SLC14A2: variants seen among roughly 807,000 people sequenced by gnomAD.
SLC14A2 encodes the protein solute carrier family 14 member 2.
Under a neutral mutation model 104.6 loss-of-function variants are expected in SLC14A2, and 91 were observed. The observed-to-expected ratio is 0.87, with a 90% CI of 0.73 to 1.04. SLC14A2 has a LOEUF of 1.04. SLC14A2 is among the 50% of genes least tolerant of loss of function. The pLI is 0.00. For synonymous variants in SLC14A2, 476 were observed against 466.4 expected (o/e 1.02, Z -0.27); for missense variants, 1,189 against 1,156.0 (o/e 1.03, Z -0.41).
At chr18:45,437,442 C>T (rs773577513) in intron 1 of SLC14A2, among the ~76,000 whole-genome samples, 10 of 152,182 alleles carry the variant, frequency 6.6e-5, no homozygotes, top group Non-Finnish European at 1.2e-4. Flanking sequence ...GAGCCTCTCT[C>T]CTGGAGCCAG....
At chr18:45,176,766 G>A in the SLC14A2 span, among the ~76,000 whole-genome samples, 2 of 152,114 alleles carry the variant, frequency 1.3e-5, no homozygotes, top group African/African-American at 4.8e-5. Context: ...CCTAGCCAAT[G>A]AATGTGGAGT....
chr18:45,383,306 T>A (rs1226387535), intron 1 of SLC14A2, among the ~76,000 whole-genome samples: 1 of 152,202 alleles, frequency 6.6e-6, no homozygotes, highest in African/African-American at 2.4e-5. Flanking sequence ...ACTGGCCTAC[T>A]GTATACTAAA....
At chr18:45,667,523 A>T (rs899258554) in intron 13 of SLC14A2, among the ~76,000 whole-genome samples, 4 of 152,222 alleles carry the variant, frequency 2.6e-5, no homozygotes, top group Non-Finnish European at 4.4e-5. Context: ...CCCTCTATGC[A>T]GCAAGAACAT....
At chr18:45,469,073 C>T (rs1463140323) in intron 1 of SLC14A2, among the ~76,000 whole-genome samples, 2 of 152,056 alleles carry the variant, frequency 1.3e-5, no homozygotes, top group Non-Finnish European at 2.9e-5. Context: ...CTCTGTTGCC[C>T]TTGAAGCAGG....
chr18:45,502,664 G>A (rs1382932630), intron 2 of SLC14A2, among the ~76,000 whole-genome samples: 1 of 152,172 alleles, frequency 6.6e-6, no homozygotes, highest in Non-Finnish European at 1.5e-5. Flanking sequence ...CAATCACTGG[G>A]AATAGTAAGA....
chr18:45,624,475 G>A (rs2045227961), intron 1 of SLC14A2, among the ~76,000 whole-genome samples, 156 bp from the exon 2 acceptor site: 1 of 152,124 alleles, frequency 6.6e-6, no homozygotes. Flanking sequence ...AGGTAATGAG[G>A]TAGAGAAATG....
intron 1 of SLC14A2, among the ~76,000 whole-genome samples, chr18:45,314,456 G>T (rs2085108989): frequency 6.6e-6 from 1 of 152,198 alleles, no homozygotes; most frequent in Non-Finnish European, 1.5e-5. Context: ...GCACTCTGAG[G>T]TTTGTAAAGC....
intron 2 of SLC14A2, among the ~76,000 whole-genome samples, chr18:45,600,446 CCTT>C (rs1326268204): frequency 1.3e-5 from 2 of 152,178 alleles, no homozygotes; most frequent in Non-Finnish European, 1.5e-5. Context: ...GTCAGGCATC[CCTT>C]CTTCTCACAG....
chr18:45,349,693 G>A (rs2085483750), intron 1 of SLC14A2, among the ~76,000 whole-genome samples: 1 of 152,106 alleles, frequency 6.6e-6, no homozygotes, highest in Non-Finnish European at 1.5e-5. Context: ...CTCCTCTCCT[G>A]GGCATTTCCC....
intron 1 of SLC14A2, among the ~76,000 whole-genome samples, chr18:45,364,916 C>T (rs1487717451): frequency 1.3e-5 from 2 of 152,200 alleles, no homozygotes. Flanking sequence ...TGACAGTGAT[C>T]TGAAGCCCAG....
In SLC14A2 at chr18:45,262,793, A is replaced by G. The variant is rs78573100; in HGVS notation, c.-125+49602A>G. On this transcript the variant is annotated intron_variant, in intron 1 of 20. Coordinates refer to the SLC14A2 transcript ENST00000586448. Reference sequence around the variant, plus strand: ...CACTGCTACAGACTGAACATCAAGGAGAGGATGGAACAAAGGCAACTCCAG... The same window carrying G: ...CACTGCTACAGACTGAACATCAAGGGGAGGATGGAACAAAGGCAACTCCAG... Among the ~76,000 whole-genome samples, 26 of 152,270 alleles carry G rather than the reference A, an allele frequency of 1.7e-4. No individual in the cohort carries two copies. The East Asian group carries it at 4.6e-3, about 27-fold the overall frequency.
At chr18:45,470,306 TTTCC>T (rs1186876220) in intron 1 of SLC14A2, among the ~76,000 whole-genome samples, 1 of 152,254 alleles carries the variant, frequency 6.6e-6, no homozygotes, top group Non-Finnish European at 1.5e-5. Context: ...TGCTTGCCTT[TTTCC>T]TTCCTTTTGT....
chr18:45,424,683 C>T (rs910209746), intron 1 of SLC14A2, among the ~76,000 whole-genome samples: 3 of 152,308 alleles, frequency 2.0e-5, no homozygotes, highest in Middle Eastern at 3.4e-3. Context: ...TCTATTATAA[C>T]GTGTTTACAA....
At chr18:45,607,123 G>A (rs559898978) in intron 2 of SLC14A2, among the ~76,000 whole-genome samples, 13 of 151,686 alleles carry the variant, frequency 8.6e-5, no homozygotes, top group African/African-American at 1.9e-4. Context: ...ATTCAATCTC[G>A]CTGAAGGCAA....
chr18:45,178,423 A>G, the SLC14A2 span, among the ~76,000 whole-genome samples: 1 of 152,138 alleles, frequency 6.6e-6, no homozygotes, highest in Non-Finnish European at 1.5e-5. Context: ...ATAAAAGCAC[A>G]CGTTATTGGC....
the SLC14A2 span, among the ~76,000 whole-genome samples, chr18:45,203,610 T>C: frequency 7.9e-5 from 12 of 152,220 alleles, no homozygotes; most frequent in African/African-American, 2.7e-4. Flanking sequence ...TATAGATAAT[T>C]TGCAAGCCTT....
chr18:45,178,126 T>G, the SLC14A2 span, among the ~76,000 whole-genome samples: 1 of 152,140 alleles, frequency 6.6e-6, no homozygotes, highest in African/African-American at 2.4e-5. Context: ...CCATGTCTCT[T>G]CCAGGAAGAA....
intron 2 of SLC14A2, among the ~76,000 whole-genome samples, chr18:45,519,789 C>T (rs1404754908): frequency 6.6e-6 from 1 of 152,224 alleles, no homozygotes; most frequent in Non-Finnish European, 1.5e-5. Context: ...ATCTGCTCAT[C>T]CCCTGGAGCC....
intron 1 of SLC14A2, among the ~76,000 whole-genome samples, chr18:45,457,501 G>A (rs1358497962): frequency 6.6e-6 from 1 of 152,164 alleles, no homozygotes; most frequent in Non-Finnish European, 1.5e-5. Flanking sequence ...AGCAAAGGGA[G>A]TTTCATAAAA....
Sources: gnomAD v4.1 joint callset for allele counts (sites outside exome capture counted in the v4.1 genomes callset) on GRCh38, gnomAD v4.1.1 for gene constraint, MANE v1.5 for transcripts, NCBI Gene and HGNC (gene_info 2026-07-23, HGNC 2026-07-21) for gene names.